The following PID1 variants were observed in gnomAD, a reference collection of about 807,000 sequenced individuals.
The protein encoded by PID1 is PTB-containing, cubilin and LRP1-interacting protein.
Under a neutral mutation model 19.1 loss-of-function variants are expected in PID1, and 10 were observed. The observed-to-expected ratio is 0.52, with a 90% confidence interval of 0.32 to 0.89. The LOEUF (loss-of-function observed/expected upper bound fraction) is 0.89. PID1 is among the 40% of genes least tolerant of loss of function. The pLI, the probability that PID1 is intolerant of heterozygous loss-of-function variation, is 0.03. For synonymous variants in PID1, 130 were observed against 116.0 expected, an observed-to-expected ratio of 1.12 and a Z score of -0.78; for missense variants, 248 against 285.3, an observed-to-expected ratio of 0.87 and a Z score of 0.94.
chr2:229,039,247 C>A (rs967895377), intron 2 of PID1, among the ~76,000 whole-genome samples: 1 of 152,078 alleles, frequency 6.6e-6, no homozygotes, highest in South Asian at 2.1e-4. Context: ...ATATCCAATT[C>A]TTTGTGTAAT....
At chr2:229,198,095 A>C (rs980637326) in intron 1 of PID1, among the ~76,000 whole-genome samples, 2 of 152,076 alleles carry the variant, frequency 1.3e-5, no homozygotes, top group Non-Finnish European at 2.9e-5. Flanking sequence ...AAATATTGGC[A>C]CTTTGAGAAA....
chr2:229,083,460 C>T (rs547554266), intron 2 of PID1, among the ~76,000 whole-genome samples: 2 of 152,196 alleles, frequency 1.3e-5, no homozygotes, highest in African/African-American at 4.8e-5. Context: ...GGAGCCTCTG[C>T]CCAAATTTTG....
intron 1 of PID1, among the ~76,000 whole-genome samples, chr2:229,185,359 G>C (rs1023405340): frequency 1.3e-5 from 2 of 152,080 alleles, no homozygotes; most frequent in Non-Finnish European, 2.9e-5. Context: ...ATTGGTCCAT[G>C]TGCACACTGA....
intron 2 of PID1, among the ~76,000 whole-genome samples, chr2:229,117,443 T>C (rs1261339253): frequency 2.0e-5 from 3 of 152,164 alleles, no homozygotes; most frequent in Non-Finnish European, 4.4e-5. Context: ...ACATTATTGC[T>C]TGCCTGGATT....
At chr2:229,131,360 A>G (rs1689736958) in intron 2 of PID1, among the ~76,000 whole-genome samples, 1 of 151,936 alleles carries the variant, frequency 6.6e-6, no homozygotes, top group South Asian at 2.1e-4. Context: ...CCTCCCAAGT[A>G]GCTGGGACTA....
At chr2:229,054,925 C>T (rs1361597317) in intron 2 of PID1, among the ~76,000 whole-genome samples, 1 of 152,030 alleles carries the variant, frequency 6.6e-6, no homozygotes, top group Non-Finnish European at 1.5e-5. Flanking sequence ...TTGTCTTTTT[C>T]TGAAAGTTAC....
intron 2 of PID1, among the ~76,000 whole-genome samples, chr2:229,056,750 G>A (rs1238051546): frequency 6.6e-6 from 1 of 151,912 alleles, no homozygotes; most frequent in African/African-American, 2.4e-5. Flanking sequence ...CAATTTCCAG[G>A]GTAATAAAGG....
intron 1 of PID1, among the ~76,000 whole-genome samples, chr2:229,216,096 G>A (rs1691840814): frequency 1.3e-5 from 2 of 152,170 alleles, no homozygotes; most frequent in Admixed American, 1.3e-4. Flanking sequence ...CAGACACTCG[G>A]CTTTAAGAAG....
At chr2:229,057,524 T>C (rs1490212036) in intron 2 of PID1, among the ~76,000 whole-genome samples, 2 of 151,670 alleles carry the variant, frequency 1.3e-5, no homozygotes, top group Non-Finnish European at 2.9e-5. Context: ...TTTTGCCTTA[T>C]CAAAATAAAG....
chr2:229,050,956 G>A (rs1235117133), intron 2 of PID1, among the ~76,000 whole-genome samples: 2 of 152,114 alleles, frequency 1.3e-5, no homozygotes, highest in African/African-American at 2.4e-5. Context: ...TCCATAATAG[G>A]CCAGCAATGC....
chr2:229,241,767 T>C (rs1297082098), intron 1 of PID1, among the ~76,000 whole-genome samples: 1 of 152,108 alleles, frequency 6.6e-6, no homozygotes, highest in Non-Finnish European at 1.5e-5. Flanking sequence ...GAAGTTAAAA[T>C]AGAATCTTTT....
chr2:229,118,297 G>T (rs980536105), intron 2 of PID1, among the ~76,000 whole-genome samples: 1 of 152,158 alleles, frequency 6.6e-6, no homozygotes, highest in Non-Finnish European at 1.5e-5. Context: ...ACTCAGGATT[G>T]GTGCTACTAA....
intron 1 of PID1, among the ~76,000 whole-genome samples, chr2:229,211,856 G>A (rs148365458): frequency 4.9e-4 from 75 of 152,290 alleles, no homozygotes; most frequent in African/African-American, 1.6e-3. Flanking sequence ...CAATATATTC[G>A]CAAATTCCAA....
At chr2:229,169,386 C>T (rs1046905314) in intron 1 of PID1, among the ~76,000 whole-genome samples, 5 of 152,078 alleles carry the variant, frequency 3.3e-5, no homozygotes, top group African/African-American at 4.8e-5. Context: ...AAATTATCTA[C>T]ATTTTTCTTT....
chr2:229,144,532 T>C (rs1690086409), intron 2 of PID1, among the ~76,000 whole-genome samples: 1 of 152,192 alleles, frequency 6.6e-6, no homozygotes, highest in Non-Finnish European at 1.5e-5. Flanking sequence ...ATAAAAATTA[T>C]GCTGCACTGA....
chr2:229,183,051 A>G (rs1315489332), intron 1 of PID1, among the ~76,000 whole-genome samples: 1 of 152,240 alleles, frequency 6.6e-6, no homozygotes, highest in African/African-American at 2.4e-5. Flanking sequence ...TTATTTGGAA[A>G]TAGGGTCTTT....
At chr2:229,233,785 C>T (rs1014102386) in intron 1 of PID1, among the ~76,000 whole-genome samples, 2 of 152,216 alleles carry the variant, frequency 1.3e-5, no homozygotes, top group African/African-American at 4.8e-5. Flanking sequence ...AGCCACCACA[C>T]CCAGCCTTGT....
At chr2:229,109,420 G>A (rs534585789) in intron 2 of PID1, among the ~76,000 whole-genome samples, 23 of 152,256 alleles carry the variant, frequency 1.5e-4, no homozygotes, top group African/African-American at 4.1e-4. Context: ...CACGCTAGTC[G>A]GCATGTTAAT....
At chr2:229,123,669 A>G (rs1007359910) in intron 2 of PID1, among the ~76,000 whole-genome samples, 1 of 152,170 alleles carries the variant, frequency 6.6e-6, no homozygotes, top group Non-Finnish European at 1.5e-5. Context: ...CTTTCTACAC[A>G]TCCTCACCAA....
Sources: gnomAD v4.1 joint callset for allele counts (sites outside exome capture counted in the v4.1 genomes callset) on GRCh38, gnomAD v4.1.1 for gene constraint, MANE v1.5 for transcripts, NCBI Gene and HGNC (gene_info 2026-07-23, HGNC 2026-07-21) for gene names.